MAPK6: variants seen among roughly 807,000 people sequenced by gnomAD.
MAPK6 encodes the protein ERK-3.
MAPK6 carries 19 observed loss-of-function variants against 59.3 expected under a neutral mutation model. That is an observed-to-expected ratio of 0.32 (90% confidence interval 0.22 to 0.47). MAPK6 has a LOEUF of 0.47. Among genes scored for constraint, MAPK6 ranks in the 20% least tolerant of loss-of-function variants. The pLI, the probability that MAPK6 is intolerant of heterozygous loss-of-function variation, is 1.00. For missense variants in MAPK6, 724 were observed against 847.9 expected (o/e 0.85, Z 1.81); for synonymous variants, 316 against 290.3 (o/e 1.09, Z -0.90).
At chr15:52,048,637 G>A (rs2031672922) in intron 2 of MAPK6, among the ~76,000 whole-genome samples, 1 of 152,032 alleles carries the variant, frequency 6.6e-6, no homozygotes, top group Non-Finnish European at 1.5e-5. Flanking sequence ...TGTAGAAAAT[G>A]AGTTCTAGGC....
rs768147270 is a variant in MAPK6, at chr15:52,064,210, G to T, written c.1376G>T (p.Trp459Leu). Residue 459 changes from tryptophan (W) to leucine (L), a missense_variant, in exon 6 of 6, where the codon TGG becomes TTG. By Grantham distance (61) the Trp-to-Leu change is moderately conservative. Coordinates refer to ENST00000261845, the MANE Select transcript of MAPK6 (RefSeq NM_002748.4). The stretch of plus-strand genomic sequence containing the variant: ...TCATCATATTTAGATAACTTAGTTT[G>T]GAGAGAGAGTGAAGTTAACCATTAC... ...RSSSYLDNLV[W>L]RESEVNHYYE... 3.0e-5 allele frequency: 49 copies of T among 1,611,252 alleles called. No individual in the cohort carries two copies. The highest frequency in any genetic ancestry group is 8.3e-5 in the Admixed American group (5 of 59,966).
chr15:51,989,167 C>G (rs1443342216), intron 2 of MAPK6, among the ~76,000 whole-genome samples: 1 of 150,292 alleles, frequency 6.7e-6, no homozygotes, highest in Non-Finnish European at 1.5e-5. Context: ...GTAACCTCTG[C>G]TTTCCGGGTT....
rs571371244 is a variant in MAPK6, at chr15:52,019,235, C to T, written c.-773C>T. 1.3e-5 allele frequency: 2 copies of T among 152,054 alleles called. No homozygotes were observed. The highest frequency in any genetic ancestry group is 2.9e-5 in the Non-Finnish European group (2 of 68,008). 9.4% of individuals were successfully genotyped at this position (152,054 alleles called of 1,614,324 possible). A position where few individuals can be genotyped will look rare whatever the true frequency, so the allele number is the denominator to read the frequency against. On this transcript the variant is annotated 5_prime_UTR_variant, in exon 1 of 6. Coordinates refer to ENST00000261845, the MANE Select transcript of MAPK6 (RefSeq NM_002748.4). ...CCGCCCCCTCTTCCTCGCCCTCTCT[C>T]GCGGGTCGGGGTTACATGGCGGCGA... is the stretch of plus-strand genomic sequence containing the variant.
chr15:51,979,707 C>T lies in MAPK6; in HGVS notation c.-879-3499C>T, dbSNP rs773517240. On this transcript the variant is annotated intron_variant, in intron 1 of 7. Coordinates refer to the MAPK6 transcript ENST00000691380. ...ACTTGGAAGACTGAGATGGGAGGAT[C>T]ACTTGAGCCTGGGAGGTCGAGAGTA... is the stretch of plus-strand genomic sequence containing the variant. Among the ~76,000 whole-genome samples the T allele has an allele frequency of 1.3e-5, 2 of 151,774 alleles. 1 individual carries two copies. Among genetic ancestry groups the T allele is most frequent in the Non-Finnish European group, 2.9e-5 (2 of 67,934 alleles).
Position 52,006,268 on chromosome 15 carries a change from A to C in MAPK6, c.-632+1866A>C, listed in dbSNP as rs147220614. Among the ~76,000 whole-genome samples, 159 of 152,300 alleles carry C rather than the reference A, an allele frequency of 1.0e-3. 1 individual carries two copies. The highest frequency in any genetic ancestry group is 3.6e-3 in the African/African-American group (149 of 41,558). On this transcript the variant is annotated intron_variant, in intron 3 of 7. Transcript: ENST00000691380. ...CTTACATTTGACAAAATGGTAATGA[A>C]GTTATACCTGGAATCATGCATTTAA...
chr15:52,059,562 C>G (rs2032117239), intron 4 of MAPK6, among the ~76,000 whole-genome samples: 1 of 152,244 alleles, frequency 6.6e-6, no homozygotes, highest in Non-Finnish European at 1.5e-5. Context: ...CAGTGATAAC[C>G]TGGATCCACT....
Position 52,058,448 on chromosome 15 carries a change from A to G in MAPK6, c.701-185A>G, listed in dbSNP as rs141651517. Reference sequence around the variant, plus strand: ...AAACAAAGCAGCAAAAACTAAATACATCAGTAAGCAGAAATTGAAATAGAT... The same window carrying G: ...AAACAAAGCAGCAAAAACTAAATACGTCAGTAAGCAGAAATTGAAATAGAT... On this transcript the variant is annotated intron_variant, in intron 3 of 5. Transcript: ENST00000261845. Among the ~76,000 whole-genome samples, 281 of 152,312 alleles carry G rather than the reference A, an allele frequency of 1.8e-3. 6 individuals are homozygous for G. In the East Asian group the frequency reaches 0.045, roughly 24 times the overall value.
chr15:51,985,165 G>A lies in MAPK6; in HGVS notation c.-770+1850G>A, dbSNP rs187732060. Among the ~76,000 whole-genome samples, 6 of 152,038 alleles carry A rather than the reference G, an allele frequency of 3.9e-5. No individual in the cohort carries two copies. The East Asian group carries it at 1.2e-3, about 29-fold the overall frequency. On this transcript the variant is annotated intron_variant, in intron 2 of 7. Coordinates refer to the MAPK6 transcript ENST00000691380. The stretch of plus-strand genomic sequence containing the variant: ...TAGACCACGCTGGGGAACATAGTGA[G>A]ACCCAATCTCTATATAAAATTTTTT...
intron 2 of MAPK6, among the ~76,000 whole-genome samples, chr15:52,048,136 A>G (rs975464214): frequency 1.3e-5 from 2 of 151,972 alleles, no homozygotes; most frequent in Non-Finnish European, 1.5e-5. Flanking sequence ...TCACGTTAAG[A>G]TTATTTTTAT....
chr15:52,022,173 A>G (rs1316189543), intron 1 of MAPK6, among the ~76,000 whole-genome samples: 1 of 152,192 alleles, frequency 6.6e-6, no homozygotes, highest in Admixed American at 6.5e-5. Flanking sequence ...TTAAAATAAA[A>G]GAAAAAAAAT....
intron 1 of MAPK6, among the ~76,000 whole-genome samples, chr15:51,976,734 G>A (rs539754675): frequency 2.6e-5 from 4 of 151,680 alleles, no homozygotes; most frequent in Admixed American, 1.3e-4. Context: ...CATGAAGTCA[G>A]GAGTTCAAGA....
At chr15:52,011,135 G>A (rs1205099043) in intron 3 of MAPK6, 1 of 152,180 alleles carries the variant, frequency 6.6e-6, no homozygotes, top group Non-Finnish European at 1.5e-5. Context: ...CGGGAACGTT[G>A]CCAGCTGAGG....
intron 1 of MAPK6, among the ~76,000 whole-genome samples, chr15:51,978,185 T>G (rs547119037): frequency 7.9e-5 from 12 of 151,062 alleles, no homozygotes; most frequent in Non-Finnish European, 1.5e-4. Flanking sequence ...CAAGCTGGAG[T>G]ACAGTGGTGT....
At position 52,066,898 on chromosome 15, in the gene MAPK6, ATTGAT is replaced by A. The variant is rs1459739606; in HGVS notation, c.*1902_*1906del. The A allele has an allele frequency of 6.6e-6, 1 of 152,024 alleles. No homozygotes were observed. The highest frequency in any genetic ancestry group is 2.4e-5 in the African/African-American group (1 of 41,394). 9.4% of individuals were successfully genotyped at this position (152,024 alleles called of 1,614,324 possible). A position where few individuals can be genotyped will look rare whatever the true frequency, so the allele number is the denominator to read the frequency against. ...CAAGCTCTGAAGTGCAGTCATGAGA[ATTGAT>A]TTGTGGGGAAAAAAAAAATGGGACA... On this transcript the variant is annotated 3_prime_UTR_variant, in exon 6 of 6. Coordinates refer to ENST00000261845, the MANE Select transcript of MAPK6 (RefSeq NM_002748.4).
Position 52,030,793 on chromosome 15 carries a change from A to AT in MAPK6, c.-632+11433dup, listed in dbSNP as rs762313465. On this transcript the variant is annotated intron_variant, in intron 1 of 5. Coordinates refer to ENST00000261845, the MANE Select transcript of MAPK6 (RefSeq NM_002748.4). The stretch of plus-strand genomic sequence containing the variant: ...AGGCGTGTGCCACCATGCCCAGCTA[A>AT]TTTTTTTTTTTTTTTTGAGACAGGC... Among the ~76,000 whole-genome samples, 702 of 134,112 alleles carry AT rather than the reference A, an allele frequency of 5.2e-3. 6 individuals carry two copies. The highest frequency in any genetic ancestry group is 0.013 in the East Asian group (62 of 4,664). The allele number at this position is 134,112 out of a possible 152,430, so 88.0% of individuals were successfully genotyped here.
intron 2 of MAPK6, among the ~76,000 whole-genome samples, chr15:51,993,683 T>G (rs1341840929): frequency 6.6e-6 from 1 of 152,182 alleles, no homozygotes; most frequent in African/African-American, 2.4e-5. Context: ...CATACATATA[T>G]TTCATATATT....
At chr15:52,017,031 G>A (rs1157052700), upstream of MAPK6, 1 of 152,438 alleles carries the variant, frequency 6.6e-6, no homozygotes, top group African/African-American at 2.4e-5. Flanking sequence ...CCAGCCTGGC[G>A]ACAGACCGAG....
intron 5 of MAPK6, among the ~76,000 whole-genome samples, chr15:52,062,879 T>G (rs531931861): frequency 1.6e-4 from 24 of 149,280 alleles, no homozygotes; most frequent in African/African-American, 6.2e-4. Context: ...GGATGGTAGC[T>G]TATAGAGTCA....
At chr15:52,016,559 A>G (rs948556996), upstream of MAPK6, among the ~76,000 whole-genome samples, 1 of 152,190 alleles carries the variant, frequency 6.6e-6, no homozygotes, top group Non-Finnish European at 1.5e-5. Context: ...AAATCCATTT[A>G]TCTCATTAAG....
Sources: allele counts gnomAD v4.1 joint callset (sites outside exome capture counted in the v4.1 genomes callset), GRCh38; gene constraint gnomAD v4.1.1; transcripts MANE v1.5; gene names NCBI Gene and HGNC (gene_info 2026-07-23, HGNC 2026-07-21).